The following FAM135A variants were observed in gnomAD, a reference collection of about 807,000 sequenced individuals.
The protein encoded by FAM135A is family with sequence similarity 135 member A, also known as protein FAM135A.
A neutral mutation model predicts 146.8 loss-of-function variants in FAM135A; 79 were observed. The observed-to-expected ratio is 0.54, with a 90% CI of 0.45 to 0.65. FAM135A has a LOEUF of 0.65. FAM135A is among the 30% of genes least tolerant of loss of function. The pLI, the probability that FAM135A is intolerant of heterozygous loss-of-function variation, is 0.00. For missense variants in FAM135A, 1,623 were observed against 1,758.2 expected (o/e 0.92, Z 1.38); for synonymous variants, 562 against 603.6 (o/e 0.93, Z 1.01).
At chr6:70,481,056 C>G (rs1001286160) in intron 9 of FAM135A, 29 bp downstream of exon 9, 1 of 1,515,962 alleles carries the variant, frequency 6.6e-7, no homozygotes, top group Non-Finnish European at 8.8e-7. Context: ...TATAAATCTT[C>G]TCCTTATTTT....
At chr6:70,460,082 A>C (rs1779144548) in intron 5 of FAM135A, among the ~76,000 whole-genome samples, 1 of 152,160 alleles carries the variant, frequency 6.6e-6, no homozygotes, top group Non-Finnish European at 1.5e-5. Flanking sequence ...TAAAAACTAT[A>C]GCTTGTTTTC....
intron 20 of FAM135A, among the ~76,000 whole-genome samples, chr6:70,543,890 G>A (rs1278872730): frequency 1.3e-5 from 2 of 152,016 alleles, no homozygotes; most frequent in African/African-American, 4.8e-5. Flanking sequence ...CTTATAGTGC[G>A]TGATCTGGTT....
chr6:70,471,266 A>G (rs537350955), intron 5 of FAM135A, among the ~76,000 whole-genome samples: 73 of 152,324 alleles, frequency 4.8e-4, no homozygotes, highest in African/African-American at 1.6e-3. Context: ...AGAGTGTATT[A>G]TAATGATGGA....
At chr6:70,477,789 G>T (rs1389365822) in intron 8 of FAM135A, among the ~76,000 whole-genome samples, 1 of 152,064 alleles carries the variant, frequency 6.6e-6, no homozygotes, top group Non-Finnish European at 1.5e-5. Context: ...GTGAAAACGT[G>T]TACTTTGCTA....
intron 11 of FAM135A, among the ~76,000 whole-genome samples, chr6:70,492,987 A>G (rs1786367814): frequency 6.6e-6 from 1 of 152,072 alleles, no homozygotes; most frequent in Non-Finnish European, 1.5e-5. Context: ...TTTATTTGAT[A>G]ATCTGTTCTA....
intron 2 of FAM135A, among the ~76,000 whole-genome samples, chr6:70,422,167 T>G (rs1768991535): frequency 6.6e-6 from 1 of 152,182 alleles, no homozygotes; most frequent in Non-Finnish European, 1.5e-5. Context: ...GATTTCACCT[T>G]TAGGGACAAA....
intron 5 of FAM135A, among the ~76,000 whole-genome samples, chr6:70,460,970 C>T (rs988938443): frequency 1.1e-4 from 16 of 151,336 alleles, no homozygotes; most frequent in South Asian, 2.1e-4. Flanking sequence ...ATTATAGGCA[C>T]GCACCACCAC....
chr6:70,450,215 G>A (rs62420328), intron 4 of FAM135A, among the ~76,000 whole-genome samples: 4,507 of 152,008 alleles, frequency 0.03, 100 homozygotes, highest in Middle Eastern at 0.13. Context: ...CAAATCTGTG[G>A]GTTGTTTCTT....
intron 5 of FAM135A, among the ~76,000 whole-genome samples, chr6:70,453,583 G>C (rs573604845): frequency 6.7e-4 from 91 of 136,504 alleles, no homozygotes; most frequent in Middle Eastern, 3.6e-3. Context: ...CCCCACAACA[G>C]GCCCCAGTGT....
chr6:70,539,396 C>T (rs1472902146), intron 20 of FAM135A, among the ~76,000 whole-genome samples: 2 of 152,076 alleles, frequency 1.3e-5, no homozygotes, highest in Admixed American at 1.3e-4. Flanking sequence ...ATGAAAACAA[C>T]CACAGAAAAT....
chr6:70,556,934 A>T, intron 21 of FAM135A, 71 bp downstream of exon 21: 1 of 1,088,978 alleles, frequency 9.2e-7, no homozygotes, highest in Non-Finnish European at 1.4e-6. Context: ...TCTTGTAGTC[A>T]CTTTCTCTCG....
chr6:70,422,062 G>A (rs1309424729), intron 2 of FAM135A, among the ~76,000 whole-genome samples: 1 of 152,096 alleles, frequency 6.6e-6, no homozygotes, highest in African/African-American at 2.4e-5. Context: ...TGCACTGTTC[G>A]CCCACAGAAT....
At chr6:70,498,473 C>T (rs531671852) in intron 11 of FAM135A, among the ~76,000 whole-genome samples, 16 of 152,256 alleles carry the variant, frequency 1.1e-4, no homozygotes, top group African/African-American at 3.4e-4. Context: ...GTCTCTATCT[C>T]CTTCAGTTCT....
intron 1 of FAM135A, among the ~76,000 whole-genome samples, 177 bp from the exon 2 acceptor site, chr6:70,415,114 A>T (rs970609304): frequency 1.3e-5 from 2 of 152,186 alleles, no homozygotes; most frequent in Non-Finnish European, 2.9e-5. Context: ...GAAGTATTAA[A>T]TTTTTTAATT....
At chr6:70,455,889 A>G (rs892807631) in intron 5 of FAM135A, among the ~76,000 whole-genome samples, 2 of 152,078 alleles carry the variant, frequency 1.3e-5, no homozygotes, top group Non-Finnish European at 2.9e-5. Context: ...GTCTTGCCCT[A>G]TCGCCAGGCT....
At chr6:70,555,872 G>A (rs193232944) in intron 20 of FAM135A, among the ~76,000 whole-genome samples, 39 of 152,144 alleles carry the variant, frequency 2.6e-4, no homozygotes, top group African/African-American at 7.7e-4. Flanking sequence ...CCAAAAAAGT[G>A]GTATAATCTA....
chr6:70,497,177 G>A (rs1787477632), intron 11 of FAM135A, among the ~76,000 whole-genome samples: 1 of 152,060 alleles, frequency 6.6e-6, no homozygotes, highest in African/African-American at 2.4e-5. Context: ...TTATTTCCTT[G>A]AGCAGTGGTT....
intron 11 of FAM135A, among the ~76,000 whole-genome samples, chr6:70,495,482 A>G (rs1787012918): frequency 6.6e-6 from 1 of 152,148 alleles, no homozygotes. Context: ...TGAGTTAGGC[A>G]AGGTAAATGA....
chr6:70,555,902 C>T (rs1582936692), intron 20 of FAM135A, among the ~76,000 whole-genome samples: 2 of 152,058 alleles, frequency 1.3e-5, no homozygotes, highest in Non-Finnish European at 2.9e-5. Context: ...TTATTTTTGG[C>T]ATAGATAGTA....
Sources: gnomAD v4.1 joint callset for allele counts (sites outside exome capture counted in the v4.1 genomes callset) on GRCh38, gnomAD v4.1.1 for gene constraint, MANE v1.5 for transcripts, NCBI Gene and HGNC (gene_info 2026-07-23, HGNC 2026-07-21) for gene names.